CNTLN: variants seen among roughly 807,000 people sequenced by gnomAD.
CNTLN encodes the protein centlein, centrosomal protein.
A neutral mutation model predicts 180.0 loss-of-function variants in CNTLN; 212 were observed. The observed-to-expected ratio is 1.18, with a 90% CI of 1.05 to 1.32. The LOEUF (loss-of-function observed/expected upper bound fraction) is 1.32. CNTLN is among the 40% of genes most tolerant of loss of function. CNTLN has a pLI of 0.00. For synonymous variants in CNTLN, 722 were observed against 563.1 expected (o/e 1.28, Z -3.99); for missense variants, 2,095 against 1,610.9 (o/e 1.30, Z -5.14).
At chr9:17,475,208 C>G (rs1451690972) in intron 23 of CNTLN, among the ~76,000 whole-genome samples, 2 of 152,098 alleles carry the variant, frequency 1.3e-5, no homozygotes, top group East Asian at 3.9e-4. Context: ...CAATGGAAAA[C>G]AAAGAAGCTA....
At chr9:17,455,533 C>T (rs555364428) in intron 18 of CNTLN, among the ~76,000 whole-genome samples, 2 of 152,204 alleles carry the variant, frequency 1.3e-5, no homozygotes, top group Admixed American at 6.5e-5. Flanking sequence ...AAAGATTAGA[C>T]AGAAATCTAG....
rs1217972635 is a variant in CNTLN, at chr9:17,416,071, A to G, written c.2996A>G (p.Gln999Arg). Residue 999 changes from glutamine (Q) to arginine (R), a missense_variant, in exon 18 of 26, where the codon CAG becomes CGG. Transcript: ENST00000380647. ...TTGCAACAACAAAACAGTGTACTTC[A>G]GAATGCCAAGAAAACAGCAGAATTG... The part of the protein sequence containing the change: ...ISLQQQNSVL[Q>R]NAKKTAELSV... 14 of 1,613,704 alleles carry G rather than the reference A, an allele frequency of 8.7e-6. 1 individual carries two copies. Among genetic ancestry groups the G allele is most frequent in the African/African-American group, 2.7e-5 (2 of 75,038 alleles).
At chr9:17,408,018 T>C (rs1827532732) in intron 15 of CNTLN, among the ~76,000 whole-genome samples, 2 of 146,978 alleles carry the variant, frequency 1.4e-5, no homozygotes, top group African/African-American at 2.5e-5. Context: ...TCCCAGCTAC[T>C]CGGGAGGCTG....
downstream of CNTLN, among the ~76,000 whole-genome samples, chr9:17,507,156 T>G (rs1833947317): frequency 6.6e-6 from 1 of 152,178 alleles, no homozygotes; most frequent in South Asian, 2.1e-4. Flanking sequence ...TCCCCACTTT[T>G]GGAATCCCCA....
chr9:17,523,852 C>T, the CNTLN span, among the ~76,000 whole-genome samples: 3 of 152,162 alleles, frequency 2.0e-5, no homozygotes, highest in South Asian at 2.1e-4. Flanking sequence ...AAAGCTTTTG[C>T]GTTAAGGAGC....
At chr9:17,438,684 T>C (rs1033074659) in intron 18 of CNTLN, among the ~76,000 whole-genome samples, 1 of 152,178 alleles carries the variant, frequency 6.6e-6, no homozygotes, top group Admixed American at 6.5e-5. Context: ...ACTGGAAATA[T>C]CAAGTAAGTA....
At chr9:17,491,263 GTAT>G (rs1833147133) in intron 25 of CNTLN, among the ~76,000 whole-genome samples, 1 of 151,930 alleles carries the variant, frequency 6.6e-6, no homozygotes, top group Admixed American at 6.6e-5. Flanking sequence ...TACATGCCAG[GTAT>G]TATTTCAGGT....
chr9:17,292,735 G>A (rs1829496672), intron 6 of CNTLN, among the ~76,000 whole-genome samples: 1 of 151,936 alleles, frequency 6.6e-6, no homozygotes, highest in South Asian at 2.1e-4. Flanking sequence ...TCTTTGTATT[G>A]GGTTAGAACA....
chr9:17,200,984 T>C (rs1822483025), intron 2 of CNTLN, among the ~76,000 whole-genome samples: 1 of 152,240 alleles, frequency 6.6e-6, no homozygotes, highest in Non-Finnish European at 1.5e-5. Context: ...TAAATAGCTC[T>C]TGTTATTTTG....
chr9:17,214,864 A>T (rs1823618214), intron 2 of CNTLN, among the ~76,000 whole-genome samples: 1 of 152,312 alleles, frequency 6.6e-6, no homozygotes, highest in Middle Eastern at 3.4e-3. Flanking sequence ...AAACTTGTGC[A>T]TTCATTACGT....
At chr9:17,160,561 G>T (rs1819609617) in intron 2 of CNTLN, among the ~76,000 whole-genome samples, 1 of 152,034 alleles carries the variant, frequency 6.6e-6, no homozygotes, top group African/African-American at 2.4e-5. Context: ...TAATTCCTCT[G>T]TGTCCTTAAC....
intron 13 of CNTLN, among the ~76,000 whole-genome samples, chr9:17,382,746 C>T (rs1825361168): frequency 6.6e-6 from 1 of 152,182 alleles, no homozygotes; most frequent in Non-Finnish European, 1.5e-5. Context: ...GGCATTCCTT[C>T]CAGCCCTATT....
chr9:17,458,030 C>A (rs1055790902), intron 19 of CNTLN, among the ~76,000 whole-genome samples: 2 of 151,942 alleles, frequency 1.3e-5, no homozygotes, highest in African/African-American at 4.8e-5. Context: ...TCCTTTCAGG[C>A]ATGTAATGCG....
At chr9:17,177,004 CA>C (rs1267559491) in intron 2 of CNTLN, among the ~76,000 whole-genome samples, 6 of 152,134 alleles carry the variant, frequency 3.9e-5, no homozygotes, top group African/African-American at 1.4e-4. Context: ...CAAAGTATTG[CA>C]CTTCCAAAAA....
the CNTLN span, among the ~76,000 whole-genome samples, chr9:17,514,661 T>A: frequency 7.2e-5 from 11 of 152,348 alleles, no homozygotes; most frequent in Non-Finnish European, 1.5e-4. Context: ...GCCAAGTAGA[T>A]TTTATTCCAA....
At chr9:17,473,940 T>G (rs145325591) in intron 23 of CNTLN, among the ~76,000 whole-genome samples, 1 of 152,300 alleles carries the variant, frequency 6.6e-6, no homozygotes, top group Non-Finnish European at 1.5e-5. Flanking sequence ...TTCCTTATGA[T>G]GTACTACACT....
chr9:17,443,820 T>A (rs7036123), intron 18 of CNTLN, among the ~76,000 whole-genome samples: 1,945 of 152,154 alleles, frequency 0.013, 40 homozygotes, highest in African/African-American at 0.045. Context: ...ATCTGCTATA[T>A]GGGCAAAGAG....
intron 13 of CNTLN, among the ~76,000 whole-genome samples, chr9:17,377,434 G>C (rs1302552054): frequency 6.6e-6 from 1 of 152,080 alleles, no homozygotes. Context: ...CCAGCTACCT[G>C]GTAGGCTGAG....
rs772109564 is a variant in CNTLN, at chr9:17,164,457, G to GTTTTTTT, written c.449+21100_449+21106dup. Among the ~76,000 whole-genome samples the GTTTTTTT allele has an allele frequency of 7.0e-4, 48 of 68,460 alleles. 1 individual carries two copies. Among genetic ancestry groups the GTTTTTTT allele is most frequent in the African/African-American group, 1.2e-3 (19 of 16,484 alleles). 44.9% of individuals were successfully genotyped at this position (68,460 alleles called of 152,430 possible). ...AATCTATAGAACTCCTTATTTTTATGTTTTTTTTTTTTTTTTTTTTTTTTT... is the reference window on the plus strand; with the variant it reads ...AATCTATAGAACTCCTTATTTTTATGTTTTTTTTTTTTTTTTTTTTTTTTTTTTTTTT... On this transcript the variant is annotated intron_variant, in intron 2 of 25. Coordinates refer to ENST00000380647, the MANE Select transcript of CNTLN (RefSeq NM_017738.4).
Sources: gnomAD v4.1 joint callset for allele counts (sites outside exome capture counted in the v4.1 genomes callset) on GRCh38, gnomAD v4.1.1 for gene constraint, MANE v1.5 for transcripts, NCBI Gene and HGNC (gene_info 2026-07-23, HGNC 2026-07-21) for gene names.